The following MCTP2 variants were observed in gnomAD, a reference collection of about 807,000 sequenced individuals.
MCTP2 encodes multiple C2 and transmembrane domain containing 2.
MCTP2 carries 132 observed loss-of-function variants against 111.6 expected under a neutral mutation model. The observed-to-expected ratio is 1.18, with a 90% CI of 1.03 to 1.37. The LOEUF (loss-of-function observed/expected upper bound fraction) is 1.37. Ranked by LOEUF, MCTP2 falls within the 40% of genes most tolerant of loss-of-function variation. The probability of loss-of-function intolerance (pLI) is 0.00; values close to 1 mark genes in which losing one functional copy is unlikely to be tolerated. For missense variants in MCTP2, 1,183 were observed against 1,067.9 expected (o/e 1.11, Z -1.50); for synonymous variants, 395 against 387.7 (o/e 1.02, Z -0.22).
rs753416985 is a variant in MCTP2, at chr15:94,384,030, G to C, written c.1591G>C (p.Asp531His). 10 of 1,612,468 alleles carry C rather than the reference G, an allele frequency of 6.2e-6. No homozygotes were observed. Among genetic ancestry groups the C allele is most frequent in the Middle Eastern group, 1.7e-4 (1 of 6,060 alleles). ...LLAADFSGKS[D>H]PFCLLELGND... Reference sequence around the variant, plus strand: ...GTATGTTATCTTTCCAGGGAAGAGTGACCCATTTTGCTTGTTGGAGTTAGG... The same window carrying C: ...GTATGTTATCTTTCCAGGGAAGAGTCACCCATTTTGCTTGTTGGAGTTAGG... Residue 531 changes from aspartate (D) to histidine (H), a missense_variant, in exon 13 of 23, where the codon GAC (aspartate) becomes CAC (histidine). Physicochemically the swap from Asp to His is moderately conservative, Grantham distance 81. Coordinates refer to ENST00000357742, the MANE Select transcript of MCTP2 (RefSeq NM_001385001.1).
rs377188177 is a variant in MCTP2, at chr15:94,231,651, G to C, written c.-79G>C. 4.8e-4 allele frequency: 73 copies of C among 152,492 alleles called. No homozygotes were observed. Among genetic ancestry groups the C allele is most frequent in the African/African-American group, 1.6e-3 (66 of 41,586 alleles). The allele number at this position is 152,492 out of a possible 1,614,324, so 9.4% of individuals were successfully genotyped here. A position where few individuals can be genotyped will look rare whatever the true frequency, so the allele number is the denominator to read the frequency against. ...CTGCCCAGCTTTGCAGCCCCCGAAC[G>C]CGGCCTCGCACAGGTGAGGGCGGTG... On this transcript the variant is annotated 5_prime_UTR_variant, in exon 1 of 23. Coordinates refer to ENST00000357742, the MANE Select transcript of MCTP2 (RefSeq NM_001385001.1).
rs980630048 is a variant in MCTP2 at position 94,290,559 on chromosome 15, T to G, written c.-65-7642T>G. ...CAGACCTAAATCCAGACCTATCAAG[T>G]ACTATGTTAAATATAAATGGTCTAA... On this transcript the variant is annotated intron_variant, in intron 1 of 22. Transcript: ENST00000357742. 5.3e-5 allele frequency among the ~76,000 whole-genome samples: 8 copies of G among 152,248 alleles called. No homozygotes were observed. In the South Asian group the frequency reaches 1.5e-3, roughly 28 times the overall value.
At chr15:94,415,033 C>T (rs895802674) in intron 17 of MCTP2, among the ~76,000 whole-genome samples, 2 of 151,988 alleles carry the variant, frequency 1.3e-5, no homozygotes, top group Non-Finnish European at 2.9e-5. Context: ...ATGAATAATG[C>T]CTTCTATGTG....
At chr15:94,257,189 T>TCATTCTTGTCACTTAAGTCTCTGCTCA (rs1390973812) in intron 1 of MCTP2, among the ~76,000 whole-genome samples, 1 of 152,164 alleles carries the variant, frequency 6.6e-6, no homozygotes, top group Non-Finnish European at 1.5e-5. Context: ...ATAGTGTTTC[T>TCATTCTTGTCACTTAAGTCTCTGCTCA]CATTCTTGTC....
intron 1 of MCTP2, among the ~76,000 whole-genome samples, chr15:94,276,136 G>A (rs563119702): frequency 1.8e-4 from 27 of 152,164 alleles, no homozygotes; most frequent in African/African-American, 4.1e-4. Context: ...GAGCCACCGT[G>A]CCTGGCCTTT....
chr15:94,473,755 C>T (rs1367838091), intron 21 of MCTP2, among the ~76,000 whole-genome samples: 1 of 152,190 alleles, frequency 6.6e-6, no homozygotes, highest in Admixed American at 6.5e-5. Flanking sequence ...ACATGGAAGA[C>T]ACTCAGAATT....
chr15:94,370,811 C>T (rs1204788291), intron 12 of MCTP2, among the ~76,000 whole-genome samples: 1 of 152,160 alleles, frequency 6.6e-6, no homozygotes, highest in African/African-American at 2.4e-5. Flanking sequence ...GCCAAATTAC[C>T]CCCTTCTGCT....
intron 1 of MCTP2, among the ~76,000 whole-genome samples, chr15:94,276,531 A>C (rs2074219008): frequency 6.6e-6 from 1 of 151,980 alleles, no homozygotes; most frequent in African/African-American, 2.4e-5. Context: ...AGTATAACAC[A>C]TGACTCAACC....
intron 21 of MCTP2, among the ~76,000 whole-genome samples, chr15:94,473,081 AT>A (rs1055457869): frequency 1.3e-5 from 2 of 151,880 alleles, no homozygotes; most frequent in African/African-American, 4.8e-5. Context: ...TTTGAAAAAA[AT>A]GTAACTATAT....
intron 22 of MCTP2, 70 bp downstream of exon 22, chr15:94,476,863 A>G (rs568974043): frequency 7.9e-6 from 7 of 884,870 alleles, no homozygotes; most frequent in Admixed American, 2.0e-5. Context: ...AGCCAGAGGA[A>G]CACAAGGCTT....
At chr15:94,394,049 C>CAAAA (rs767685107) in intron 14 of MCTP2, among the ~76,000 whole-genome samples, 3 of 61,738 alleles carry the variant, frequency 4.9e-5, no homozygotes, top group African/African-American at 1.7e-4. Context: ...AACTCCATCT[C>CAAAA]AAAAAAAAAA....
At chr15:94,345,207 T>C in intron 8 of MCTP2, 43 bp downstream of exon 8, 1 of 1,580,590 alleles carries the variant, frequency 6.3e-7, no homozygotes, top group Non-Finnish European at 8.7e-7. Context: ...GGTTAAAAAC[T>C]TTGTCTTTGT....
At chr15:94,470,511 G>A in intron 21 of MCTP2, 69 bp downstream of exon 21, 1 of 1,071,224 alleles carries the variant, frequency 9.3e-7, no homozygotes, top group East Asian at 2.4e-5. Flanking sequence ...TTTTTAAAGT[G>A]CGACTATTAA....
At chr15:94,444,237 A>C (rs558503191) in intron 19 of MCTP2, among the ~76,000 whole-genome samples, 1 of 152,342 alleles carries the variant, frequency 6.6e-6, no homozygotes, top group Admixed American at 6.5e-5. Flanking sequence ...TGCACAGGGC[A>C]ACGGATGGGG....
At chr15:94,366,381 T>G (rs1355466431) in intron 10 of MCTP2, among the ~76,000 whole-genome samples, 1 of 152,186 alleles carries the variant, frequency 6.6e-6, no homozygotes, top group East Asian at 1.9e-4. Flanking sequence ...TGGACACATA[T>G]TGGTATGTAA....
At chr15:94,366,756 C>T (rs2079206031) in intron 10 of MCTP2, among the ~76,000 whole-genome samples, 1 of 152,128 alleles carries the variant, frequency 6.6e-6, no homozygotes, top group African/African-American at 2.4e-5. Context: ...TTACTCAACC[C>T]CACCTACTTC....
intron 21 of MCTP2, among the ~76,000 whole-genome samples, chr15:94,475,273 G>A (rs944309453): frequency 1.3e-5 from 2 of 152,138 alleles, no homozygotes; most frequent in African/African-American, 4.8e-5. Flanking sequence ...TTTGACTTGA[G>A]GGAAAGGCGA....
At chr15:94,281,213 T>A (rs2074466761) in intron 1 of MCTP2, among the ~76,000 whole-genome samples, 1 of 152,108 alleles carries the variant, frequency 6.6e-6, no homozygotes. Context: ...TTCTAGGCCT[T>A]TACAAGCTTG....
chr15:94,260,017 C>T (rs2073084724), intron 1 of MCTP2, among the ~76,000 whole-genome samples: 1 of 152,186 alleles, frequency 6.6e-6, no homozygotes, highest in Non-Finnish European at 1.5e-5. Context: ...TAATCTCCTT[C>T]AACCACTTTC....
Sources: allele counts gnomAD v4.1 joint callset (sites outside exome capture counted in the v4.1 genomes callset), GRCh38; gene constraint gnomAD v4.1.1; transcripts MANE v1.5; gene names NCBI Gene and HGNC (gene_info 2026-07-23, HGNC 2026-07-21).